NWD1: variants seen among roughly 807,000 people sequenced by gnomAD.
NWD1 encodes the protein NACHT domain- and WD repeat-containing protein 1.
A neutral mutation model predicts 135.1 loss-of-function variants in NWD1; 129 were observed. The observed-to-expected ratio is 0.96, with a 90% confidence interval of 0.83 to 1.11. The LOEUF (loss-of-function observed/expected upper bound fraction) is 1.11. Among genes scored for constraint, NWD1 ranks in the 50% least tolerant of loss-of-function variants. The pLI is 0.00. For synonymous variants in NWD1, 773 were observed against 786.0 expected (o/e 0.98, Z 0.28); for missense variants, 1,740 against 1,851.3 (o/e 0.94, Z 1.10).
rs770832438 is a variant in NWD1 at position 16,763,911 on chromosome 19, G to A, written c.2217G>A (p.Ser739=). 15 of 1,613,502 alleles carry A rather than the reference G, an allele frequency of 9.3e-6. No individual in the cohort carries two copies. The highest frequency in any genetic ancestry group is 8.3e-5 in the Admixed American group (5 of 59,974). Residue 739 remains serine, a synonymous_variant, in exon 9 of 19, where the codon TCG becomes TCA. Transcript: ENST00000524140. Reference sequence around the variant, plus strand: ...AGTTGCCCTATCACCTGCTTCACTCGGGCCGCCTGGAGGAGCTGAAACAGG... The same window carrying A: ...AGTTGCCCTATCACCTGCTTCACTCAGGCCGCCTGGAGGAGCTGAAACAGG... ...LKELPYHLLH[S]GRLEELKQEV...
chr19:16,774,915 A>C (rs968389271), intron 11 of NWD1, among the ~76,000 whole-genome samples: 3 of 151,766 alleles, frequency 2.0e-5, no homozygotes, highest in Non-Finnish European at 4.4e-5. Context: ...TTCATCGAGA[A>C]ACTGATTCCT....
chr19:16,794,716 A>T (rs2431801), intron 15 of NWD1, among the ~76,000 whole-genome samples, 163 bp downstream of exon 15: 33,237 of 152,156 alleles, frequency 0.22, 7,368 homozygotes, highest in African/African-American at 0.57. Flanking sequence ...AGACGAGACA[A>T]CCTCAGTTGC....
At chr19:16,810,041 A>AT (rs201229655) in intron 18 of NWD1, among the ~76,000 whole-genome samples, 4 of 151,714 alleles carry the variant, frequency 2.6e-5, no homozygotes, top group Non-Finnish European at 4.4e-5. Context: ...GGGCAAAAGG[A>AT]TTTTTTTGTG....
At chr19:16,732,146 A>G (rs1274807411) in intron 3 of NWD1, among the ~76,000 whole-genome samples, 1 of 150,610 alleles carries the variant, frequency 6.6e-6, no homozygotes, top group Non-Finnish European at 1.5e-5. Context: ...GAACTTGGGA[A>G]GCAGAGATTG....
rs769722720 is a variant in NWD1, at chr19:16,750,305, C to T, written c.1663C>T (p.Leu555=). 11 of 1,613,522 alleles carry T rather than the reference C, an allele frequency of 6.8e-6. No individual in the cohort carries two copies. Among genetic ancestry groups the T allele is most frequent in the Non-Finnish European group, 9.3e-6 (11 of 1,179,990 alleles). The change falls in exon 6 of 19, where the codon CTG becomes TTG. Residue 555 remains leucine, a synonymous_variant. Coordinates refer to ENST00000524140, the MANE Select transcript of NWD1 (RefSeq NM_001007525.5). ...KWASFTVPVP[L]ATTAEEATHQ... ...GGCCTCTTTCACCGTGCCTGTCCCG[C>T]TGGCCACCACCGCAGAGGAAGCCAC...
Position 16,730,343 on chromosome 19 carries a change from C to CA in NWD1, c.-6-839dup, listed in dbSNP as rs553832126. On this transcript the variant is annotated intron_variant, in intron 2 of 18. Coordinates refer to ENST00000524140, the MANE Select transcript of NWD1 (RefSeq NM_001007525.5). The stretch of plus-strand genomic sequence containing the variant: ...CTCAAAAAACAAACTAACAAAAAAA[C>CA]AAAAAAAAAACCCAAAATCTATTTA... Among the ~76,000 whole-genome samples the CA allele has an allele frequency of 2.5e-3, 363 of 145,548 alleles. 1 individual carries two copies. Among genetic ancestry groups the CA allele is most frequent in the East Asian group, 7.0e-3 (35 of 4,990 alleles).
intron 2 of NWD1, among the ~76,000 whole-genome samples, chr19:16,730,285 G>A (rs1302664170): frequency 6.6e-6 from 1 of 151,962 alleles, no homozygotes; most frequent in Middle Eastern, 3.2e-3. Context: ...TCACGCCACT[G>A]CACTCCAGCC....
intron 10 of NWD1, among the ~76,000 whole-genome samples, chr19:16,768,858 CAG>C (rs1490801444): frequency 3.3e-5 from 5 of 152,170 alleles, no homozygotes; most frequent in Admixed American, 3.3e-4. Context: ...GATTCCTATG[CAG>C]AGCTTCTAAT....
intron 12 of NWD1, among the ~76,000 whole-genome samples, chr19:16,780,107 G>A (rs553242919): frequency 6.0e-4 from 91 of 151,704 alleles, no homozygotes; most frequent in African/African-American, 2.1e-3. Context: ...CACGTGGTCT[G>A]TCATCATTCA....
At chr19:16,791,862 G>A (rs1970258955) in intron 14 of NWD1, among the ~76,000 whole-genome samples, 1 of 152,126 alleles carries the variant, frequency 6.6e-6, no homozygotes, top group African/African-American at 2.4e-5. Flanking sequence ...TTACAGGCAA[G>A]TGCCACCACG....
chr19:16,768,054 C>T (rs929443574), intron 10 of NWD1, among the ~76,000 whole-genome samples: 5 of 142,376 alleles, frequency 3.5e-5, no homozygotes, highest in South Asian at 2.2e-4. Flanking sequence ...TGCAGTGGCA[C>T]GATCTCAGCT....
At chr19:16,723,175 A>G (rs1967201034) in intron 1 of NWD1, among the ~76,000 whole-genome samples, 1 of 152,062 alleles carries the variant, frequency 6.6e-6, no homozygotes, top group East Asian at 1.9e-4. Flanking sequence ...CTAGGACCGC[A>G]GACACGAATC....
At chr19:16,807,517 C>A (rs867351720) in intron 17 of NWD1, 69 bp from the exon 18 acceptor site, 36 of 1,315,514 alleles carry the variant, frequency 2.7e-5, no homozygotes, top group Middle Eastern at 1.9e-4. Context: ...ACAAAAAAAA[C>A]CACCAGGGAA....
intron 14 of NWD1, 75 bp from the exon 15 acceptor site, chr19:16,794,388 A>T: frequency 2.4e-6 from 2 of 818,556 alleles, no homozygotes; most frequent in South Asian, 3.4e-5. Context: ...AATAAAAATT[A>T]AAAAATTAAA....
At chr19:16,791,750 G>A (rs1970254408) in intron 14 of NWD1, 128 bp downstream of exon 14, 1 of 998,730 alleles carries the variant, frequency 1.0e-6, no homozygotes, top group African/African-American at 1.6e-5. Context: ...TTTCACTTTT[G>A]TTGCCCAGGC....
intron 17 of NWD1, among the ~76,000 whole-genome samples, chr19:16,806,888 G>T (rs1341213798): frequency 6.6e-6 from 1 of 151,444 alleles, no homozygotes; most frequent in Non-Finnish European, 1.5e-5. Flanking sequence ...GTGGTGGTGC[G>T]CACCTCTAGT....
At chr19:16,766,266 A>G (rs1005102976) in intron 10 of NWD1, among the ~76,000 whole-genome samples, 1 of 151,624 alleles carries the variant, frequency 6.6e-6, no homozygotes, top group Non-Finnish European at 1.5e-5. Flanking sequence ...GCTGAGCATG[A>G]TGGCTTACAC....
At chr19:16,752,780 T>C (rs1968630284) in intron 6 of NWD1, among the ~76,000 whole-genome samples, 3 of 152,142 alleles carry the variant, frequency 2.0e-5, no homozygotes. Flanking sequence ...GAGAATTACT[T>C]GAGCCCAGGA....
At chr19:16,771,831 C>CT (rs529711853) in intron 10 of NWD1, among the ~76,000 whole-genome samples, 29,423 of 133,390 alleles carry the variant, frequency 0.22, 3,648 homozygotes, top group African/African-American at 0.26. Flanking sequence ...ATCACGAGTC[C>CT]TTTTTTTTTT....
Sources: gnomAD v4.1 joint callset for allele counts (sites outside exome capture counted in the v4.1 genomes callset) on GRCh38, gnomAD v4.1.1 for gene constraint, MANE v1.5 for transcripts, NCBI Gene and HGNC (gene_info 2026-07-23, HGNC 2026-07-21) for gene names.